TENM2: variants seen among roughly 807,000 people sequenced by gnomAD.
TENM2 encodes the protein teneurin-2.
TENM2 carries 52 observed loss-of-function variants against 245.2 expected under a neutral mutation model. The ratio of observed to expected loss-of-function variants is 0.21; its 90% CI spans 0.17 to 0.27. The LOEUF (loss-of-function observed/expected upper bound fraction) is 0.27. Ranked by LOEUF, TENM2 falls within the 10% of genes least tolerant of loss-of-function variation. The pLI, the probability that TENM2 is intolerant of heterozygous loss-of-function variation, is 1.00. For synonymous variants in TENM2, 1,363 were observed against 1,438.9 expected (o/e 0.95, Z 1.19); for missense variants, 3,046 against 3,666.8 (o/e 0.83, Z 4.37).
intron 1 of TENM2, among the ~76,000 whole-genome samples, chr5:167,365,002 TCA>T (rs1245046911): frequency 6.6e-6 from 1 of 151,980 alleles, no homozygotes; most frequent in Non-Finnish European, 1.5e-5. Context: ...AATTCTCGTA[TCA>T]CATTATTTTT....
At chr5:168,019,850 C>T (rs1468496042) in intron 5 of TENM2, among the ~76,000 whole-genome samples, 3 of 152,124 alleles carry the variant, frequency 2.0e-5, no homozygotes, top group African/African-American at 7.2e-5. Context: ...GACAATAAGT[C>T]CTTAGAGGAA....
chr5:167,677,033 C>T (rs1439135434), intron 2 of TENM2, among the ~76,000 whole-genome samples: 1 of 152,096 alleles, frequency 6.6e-6, no homozygotes, highest in Non-Finnish European at 1.5e-5. Context: ...AGTGGCCTTT[C>T]CCTCTGCGCT....
intron 2 of TENM2, among the ~76,000 whole-genome samples, chr5:167,708,619 A>G (rs2150473962): frequency 6.6e-6 from 1 of 152,260 alleles, no homozygotes; most frequent in Admixed American, 6.5e-5. Flanking sequence ...GGACTTGGGT[A>G]GAGGACCGAG....
intron 2 of TENM2, among the ~76,000 whole-genome samples, chr5:167,762,003 A>T: frequency 6.6e-6 from 1 of 152,196 alleles, no homozygotes; most frequent in East Asian, 1.9e-4. Flanking sequence ...CCTCAGCTAG[A>T]AAGAATTAAG....
At chr5:168,028,728 A>G (rs983739923) in intron 5 of TENM2, among the ~76,000 whole-genome samples, 2 of 151,840 alleles carry the variant, frequency 1.3e-5, no homozygotes, top group African/African-American at 2.4e-5. Context: ...TCTGTATCCA[A>G]CACCCTTTTT....
At chr5:167,886,812 C>T (rs927355357) in intron 3 of TENM2, among the ~76,000 whole-genome samples, 14 of 152,126 alleles carry the variant, frequency 9.2e-5, no homozygotes, top group Non-Finnish European at 2.1e-4. Flanking sequence ...TAGCTGTTTA[C>T]TTCTCTCAAA....
At chr5:166,983,754 G>C in the TENM2 span, among the ~76,000 whole-genome samples, 1 of 152,102 alleles carries the variant, frequency 6.6e-6, no homozygotes, top group Non-Finnish European at 1.5e-5. Context: ...GGGGGAAAGA[G>C]AGGGTTTCTT....
intron 2 of TENM2, among the ~76,000 whole-genome samples, chr5:167,605,556 G>A (rs927927325): frequency 7.2e-5 from 11 of 152,182 alleles, no homozygotes; most frequent in Non-Finnish European, 1.6e-4. Flanking sequence ...TAGGCCACTT[G>A]CATGCAAACT....
At chr5:168,229,881 A>AGAT (rs1470333908) in intron 25 of TENM2, 2 of 152,248 alleles carry the variant, frequency 1.3e-5, no homozygotes, top group East Asian at 1.9e-4. Context: ...AAATGGAATG[A>AGAT]GATTAGTAGT....
At chr5:167,515,705 G>GGCA (rs1770333653) in intron 2 of TENM2, among the ~76,000 whole-genome samples, 1 of 63,210 alleles carries the variant, frequency 1.6e-5, no homozygotes, top group African/African-American at 5.6e-5. Flanking sequence ...TTGCTCTGTT[G>GGCA]CCCAGACTGG....
chr5:168,185,926 A>G (rs1760355250), intron 13 of TENM2, among the ~76,000 whole-genome samples: 1 of 9,112 alleles, frequency 1.1e-4, no homozygotes, highest in Non-Finnish European at 1.8e-4. Flanking sequence ...ATATATATAT[A>G]TATATATATA....
At chr5:167,358,844 C>T (rs1759518507) in intron 1 of TENM2, among the ~76,000 whole-genome samples, 1 of 97,694 alleles carries the variant, frequency 1.0e-5, no homozygotes, top group South Asian at 3.1e-4. Context: ...CACACACACA[C>T]ACACACACCC....
At chr5:167,239,128 T>G in the TENM2 span, among the ~76,000 whole-genome samples, 12 of 152,334 alleles carry the variant, frequency 7.9e-5, no homozygotes, top group South Asian at 2.5e-3. Context: ...AGATCTGGTC[T>G]CTCCAAGGTA....
intron 3 of TENM2, among the ~76,000 whole-genome samples, chr5:167,931,551 GAAAAAAAA>G (rs368486009): frequency 4.5e-5 from 5 of 110,340 alleles, no homozygotes; most frequent in Middle Eastern, 9.5e-3. Flanking sequence ...AAACCCATTG[GAAAAAAAA>G]AAAAAAAAAA....
chr5:167,519,707 T>G (rs750502429), intron 2 of TENM2, among the ~76,000 whole-genome samples: 3 of 152,114 alleles, frequency 2.0e-5, no homozygotes, highest in Non-Finnish European at 4.4e-5. Flanking sequence ...TTCTGAAAAA[T>G]GTAACCACTT....
At chr5:167,480,703 C>G (rs1767705488) in intron 2 of TENM2, among the ~76,000 whole-genome samples, 1 of 152,152 alleles carries the variant, frequency 6.6e-6, no homozygotes, top group South Asian at 2.1e-4. Context: ...CACTTTTCAG[C>G]TTCTTTAAGC....
intron 4 of TENM2, among the ~76,000 whole-genome samples, chr5:167,972,008 G>A (rs908301731): frequency 2.0e-4 from 31 of 152,198 alleles, no homozygotes; most frequent in African/African-American, 7.5e-4. Context: ...GGGAATGTTG[G>A]TGCCTACTTA....
intron 2 of TENM2, among the ~76,000 whole-genome samples, chr5:167,788,407 G>A (rs1017054950): frequency 6.6e-6 from 1 of 152,100 alleles, no homozygotes; most frequent in African/African-American, 2.4e-5. Flanking sequence ...GACAGTAAAG[G>A]AATCTGTGAA....
chr5:167,887,821 A>G (rs909320329), intron 3 of TENM2, among the ~76,000 whole-genome samples: 1 of 152,184 alleles, frequency 6.6e-6, no homozygotes, highest in African/African-American at 2.4e-5. Flanking sequence ...ATTCTGTCAC[A>G]GTTCTAGAGG....
Sources: gnomAD v4.1 joint callset for allele counts (sites outside exome capture counted in the v4.1 genomes callset) on GRCh38, gnomAD v4.1.1 for gene constraint, MANE v1.5 for transcripts, NCBI Gene and HGNC (gene_info 2026-07-23, HGNC 2026-07-21) for gene names.